Variants in CACNA1H observed in about 807,000 individuals in gnomAD.
The protein encoded by CACNA1H is calcium voltage-gated channel subunit alpha1 H, also known as voltage-dependent T-type calcium channel subunit alpha-1H.
CACNA1H carries 149 observed loss-of-function variants against 192.5 expected under a neutral mutation model. That is an observed-to-expected ratio of 0.77 (90% CI 0.68 to 0.89). The LOEUF (loss-of-function observed/expected upper bound fraction) is 0.89. Among genes scored for constraint, CACNA1H ranks in the 40% least tolerant of loss-of-function variants. The pLI, the probability that CACNA1H is intolerant of heterozygous loss-of-function variation, is 0.00. For missense variants in CACNA1H, 4,257 were observed against 3,423.5 expected (o/e 1.24, Z -6.08); for synonymous variants, 2,202 against 1,475.2 (o/e 1.49, Z -11.29).
chr16:1,190,765 G>T (rs1596368771), intron 2 of CACNA1H, among the ~76,000 whole-genome samples: 1 of 140,874 alleles, frequency 7.1e-6, no homozygotes, highest in Middle Eastern at 3.5e-3. Flanking sequence ...TTGGGTGGGT[G>T]CTGGGGGAAG....
In CACNA1H at chr16:1,205,232, A is replaced by C. The variant is rs779668934; in HGVS notation, c.2570A>C (p.Tyr857Ser). 1 of 1,611,900 alleles carries C rather than the reference A, an allele frequency of 6.2e-7. No homozygotes were observed. The highest frequency in any genetic ancestry group is 1.3e-5 in the African/African-American group (1 of 75,036). ...CCTCTGGGCTACATCCGGAACCCGT[A>C]CAACATCTTCGACGGCATCATCGTG... The part of the protein sequence containing the change: ...CGPLGYIRNP[Y>S]NIFDGIIVVI... The change falls in exon 11 of 35, where the codon TAC becomes TCC. Residue 857 changes from tyrosine to serine, a missense_variant. Tyr to Ser is a moderately radical substitution (Grantham distance 144). Coordinates refer to ENST00000348261, the MANE Select transcript of CACNA1H (RefSeq NM_021098.3).
intron 2 of CACNA1H, among the ~76,000 whole-genome samples, chr16:1,179,453 T>G (rs1048192487): frequency 2.6e-5 from 4 of 152,168 alleles, no homozygotes; most frequent in Non-Finnish European, 4.4e-5. Flanking sequence ...TCCTCATTTA[T>G]TTATTGATGT....
At position 1,215,504 on chromosome 16, in the gene CACNA1H, G is replaced by A. The variant is rs576695857; in HGVS notation, c.5174-19G>A. 7 of 1,609,132 alleles carry A rather than the reference G, an allele frequency of 4.4e-6. No individual in the cohort carries two copies. The highest frequency in any genetic ancestry group is 3.3e-5 in the South Asian group (3 of 90,346). ...GGAGGGTCCGCCCAGCCCTGCTGAC[G>A]CTCAGCTCCCGGCCCTAGTGCTGAA... On this transcript the variant is annotated intron_variant, in intron 29 of 34. Transcript: ENST00000348261.
At chr16:1,208,979 C>G in intron 16 of CACNA1H, 53 bp from the exon 17 acceptor site, 1 of 1,401,800 alleles carries the variant, frequency 7.1e-7, no homozygotes. Flanking sequence ...GTAATGACAG[C>G]GGTCGGTGCT....
At chr16:1,211,372 C>G in intron 22 of CACNA1H, 78 bp downstream of exon 22, 4 of 1,606,332 alleles carry the variant, frequency 2.5e-6, no homozygotes, top group Non-Finnish European at 3.4e-6. Flanking sequence ...CCCAGCAGCG[C>G]CGCTGCGGGA....
intron 2 of CACNA1H, among the ~76,000 whole-genome samples, chr16:1,192,279 C>T (rs1966691538): frequency 6.6e-6 from 1 of 152,206 alleles, no homozygotes; most frequent in Admixed American, 6.5e-5. Flanking sequence ...CCAGGTAGGA[C>T]CCTGGCCTGG....
At chr16:1,178,565 G>A (rs1965148888) in intron 2 of CACNA1H, among the ~76,000 whole-genome samples, 1 of 152,262 alleles carries the variant, frequency 6.6e-6, no homozygotes, top group African/African-American at 2.4e-5. Flanking sequence ...AGGAGGAGCC[G>A]GCCCTGCCCA....
Position 1,219,961 on chromosome 16 carries a change from T to G in CACNA1H, c.6049-20T>G. 1 of 1,281,240 alleles carries G rather than the reference T, an allele frequency of 7.8e-7. No individual in the cohort carries two copies. The highest frequency in any genetic ancestry group is 9.9e-7 in the Non-Finnish European group (1 of 1,008,014). 79.4% of individuals were successfully genotyped at this position (1,281,240 alleles called of 1,614,324 possible). On this transcript the variant is annotated intron_variant, in intron 34 of 34. Coordinates refer to ENST00000348261, the MANE Select transcript of CACNA1H (RefSeq NM_021098.3). ...CTCTCCCAGGGCCCCGCCCCTCACT[T>G]TGACTCTACGCCCCCACAGGAGGCT...
Position 1,210,177 on chromosome 16 carries a change from C to T in CACNA1H, c.3845+42C>T, listed in dbSNP as rs747986817. On this transcript the variant is annotated intron_variant, in intron 18 of 34. Transcript: ENST00000348261. Reference sequence around the variant, plus strand: ...AGGAGGCTGCATGGCTAGTTCCACCCCACGGGACCCCCGCCCCCAGGTCCC... The same window carrying T: ...AGGAGGCTGCATGGCTAGTTCCACCTCACGGGACCCCCGCCCCCAGGTCCC... The T allele has an allele frequency of 7.5e-6, 11 of 1,475,278 alleles. No homozygotes were observed. In the South Asian group the frequency reaches 1.2e-4, roughly 16 times the overall value. The allele number at this position is 1,475,278 out of a possible 1,614,324, so 91.4% of individuals were successfully genotyped here.
chr16:1,161,358 C>T (rs769283633), intron 2 of CACNA1H, among the ~76,000 whole-genome samples: 3 of 152,234 alleles, frequency 2.0e-5, no homozygotes, highest in South Asian at 4.1e-4. Flanking sequence ...TGTTCTCACC[C>T]CTTCTCCCCT....
intron 2 of CACNA1H, among the ~76,000 whole-genome samples, chr16:1,154,427 G>C (rs953198606): frequency 1.2e-4 from 19 of 152,138 alleles, no homozygotes; most frequent in Non-Finnish European, 1.8e-4. Context: ...TGAAGGTCCT[G>C]CCCGAGGCAG....
chr16:1,203,737 G>A (rs960459292), intron 9 of CACNA1H, among the ~76,000 whole-genome samples: 7 of 152,178 alleles, frequency 4.6e-5, no homozygotes, highest in African/African-American at 1.7e-4. Context: ...CGGTCTCTCT[G>A]TCTTCACATG....
At chr16:1,203,621 C>T (rs1343095339) in intron 9 of CACNA1H, among the ~76,000 whole-genome samples, 1 of 152,178 alleles carries the variant, frequency 6.6e-6, no homozygotes, top group Non-Finnish European at 1.5e-5. Flanking sequence ...CTCCAAAATC[C>T]AGGCCTTGCA....
intron 2 of CACNA1H, among the ~76,000 whole-genome samples, chr16:1,155,012 CG>C (rs972304324): frequency 1.0e-3 from 155 of 152,294 alleles, no homozygotes; most frequent in African/African-American, 3.7e-3. Flanking sequence ...AGACCCTGCC[CG>C]CAGACGTCCC....
rs1963657007 is a variant in CACNA1H, at chr16:1,165,401, T to C, written c.299+11365T>C. On this transcript the variant is annotated intron_variant, in intron 2 of 34. Transcript: ENST00000348261. Reference sequence around the variant, plus strand: ...TCGTGACAGCACAGAGTTTTTATTTTCTAACCTTCCGTGGAAATCTGGGTC... The same window carrying C: ...TCGTGACAGCACAGAGTTTTTATTTCCTAACCTTCCGTGGAAATCTGGGTC... Among the ~76,000 whole-genome samples the C allele has an allele frequency of 2.6e-5, 4 of 152,196 alleles. No homozygotes were observed. In the South Asian group the frequency reaches 8.3e-4, roughly 31 times the overall value.
intron 26 of CACNA1H, among the ~76,000 whole-genome samples, chr16:1,212,993 G>A (rs903647778): frequency 6.6e-6 from 1 of 152,266 alleles, no homozygotes; most frequent in Non-Finnish European, 1.5e-5. Flanking sequence ...CTGTGGCCGA[G>A]GCAGGTCCTG....
Position 1,219,870 on chromosome 16 carries a change from C to T in CACNA1H, c.6049-111C>T, listed in dbSNP as rs909770253. 9 of 803,014 alleles carry T rather than the reference C, an allele frequency of 1.1e-5. No homozygotes were observed. The Admixed American group carries it at 2.6e-4, about 23-fold the overall frequency. 49.7% of individuals were successfully genotyped at this position (803,014 alleles called of 1,614,324 possible). A position where few individuals can be genotyped will look rare whatever the true frequency, so the allele number is the denominator to read the frequency against. ...GAGGGTCAGGAGCCACCCAGGGGAC[C>T]TGCCCAGTTTGGCCTCTCCAGTACC... is the stretch of plus-strand genomic sequence containing the variant. On this transcript the variant is annotated intron_variant, in intron 34 of 34. Transcript: ENST00000348261.
intron 2 of CACNA1H, among the ~76,000 whole-genome samples, chr16:1,168,253 C>G (rs1964002048): frequency 6.6e-6 from 1 of 152,010 alleles, no homozygotes; most frequent in South Asian, 2.1e-4. Flanking sequence ...CATGTCCAGT[C>G]TGTTTGGACG....
intron 3 of CACNA1H, 22 bp downstream of exon 3, chr16:1,195,105 G>C: frequency 2.0e-6 from 3 of 1,524,326 alleles, no homozygotes; most frequent in Non-Finnish European, 2.7e-6. Flanking sequence ...GGGTCGGGGT[G>C]GGGAAGGAGC....
Sources: allele counts gnomAD v4.1 joint callset (sites outside exome capture counted in the v4.1 genomes callset), GRCh38; gene constraint gnomAD v4.1.1; transcripts MANE v1.5; gene names NCBI Gene and HGNC (gene_info 2026-07-23, HGNC 2026-07-21).